DNAH8: variants seen among roughly 807,000 people sequenced by gnomAD.
The protein encoded by DNAH8 is axonemal beta dynein heavy chain 8.
DNAH8 carries 382 observed loss-of-function variants against 562.1 expected under a neutral mutation model. That is an observed-to-expected ratio of 0.68 (90% confidence interval 0.63 to 0.74). DNAH8 has a LOEUF of 0.74. DNAH8 is among the 30% of genes least tolerant of loss of function. The pLI is 0.00. For missense variants in DNAH8, 5,203 were observed against 5,620.4 expected (o/e 0.93, Z 2.37); for synonymous variants, 1,881 against 1,919.4 (o/e 0.98, Z 0.52).
intron 85 of DNAH8, among the ~76,000 whole-genome samples, chr6:38,979,265 A>G (rs1763883426): frequency 1.3e-5 from 2 of 152,212 alleles, no homozygotes; most frequent in South Asian, 4.1e-4. Context: ...TCACTATCCC[A>G]TTATTCTTTT....
chr6:39,004,174 T>G (rs1765657725), intron 88 of DNAH8, among the ~76,000 whole-genome samples: 1 of 152,154 alleles, frequency 6.6e-6, no homozygotes, highest in African/African-American at 2.4e-5. Flanking sequence ...CCAAGAGTGT[T>G]AAGTCCAGCC....
chr6:38,801,195 C>G (rs139316401), intron 21 of DNAH8, among the ~76,000 whole-genome samples: 2 of 151,978 alleles, frequency 1.3e-5, no homozygotes, highest in African/African-American at 4.8e-5. Context: ...TGAAATTTTA[C>G]GTCTATAATC....
intron 12 of DNAH8, among the ~76,000 whole-genome samples, chr6:38,772,417 T>C (rs1027654202): frequency 7.2e-5 from 11 of 152,180 alleles, no homozygotes; most frequent in Non-Finnish European, 1.3e-4. Context: ...AAGTGGTATC[T>C]CATTGAAGTT....
chr6:38,813,768 A>G (rs192228778), intron 24 of DNAH8, among the ~76,000 whole-genome samples: 12 of 152,310 alleles, frequency 7.9e-5, no homozygotes, highest in Middle Eastern at 3.4e-3. Context: ...AGGGCTGGGA[A>G]CAAAGAATGC....
intron 8 of DNAH8, among the ~76,000 whole-genome samples, chr6:38,743,370 T>C (rs1050528826): frequency 2.0e-5 from 3 of 152,182 alleles, no homozygotes; most frequent in African/African-American, 7.2e-5. Flanking sequence ...ATTTTCCCCT[T>C]TCTTTTTTTG....
At chr6:38,947,166 C>A (rs1487313719) in intron 80 of DNAH8, among the ~76,000 whole-genome samples, 1 of 152,208 alleles carries the variant, frequency 6.6e-6, no homozygotes, top group Non-Finnish European at 1.5e-5. Context: ...ATGCTCTTCC[C>A]ATGCCATCAT....
rs373886534 is a variant in DNAH8, at chr6:38,807,614, G to T, written c.3155G>T (p.Cys1052Phe). The T allele has an allele frequency of 6.6e-7, 1 of 1,521,522 alleles. No homozygotes were observed. The highest frequency in any genetic ancestry group is 8.8e-7 in the Non-Finnish European group (1 of 1,134,490). 94.3% of individuals were successfully genotyped at this position (1,521,522 alleles called of 1,614,324 possible). A position where few individuals can be genotyped will look rare whatever the true frequency, so the allele number is the denominator to read the frequency against. The stretch of plus-strand genomic sequence containing the variant: ...TAATCTGATTTCTTATTACAGGAGT[G>T]TAAAGAGGTCTTTGCTTTTTTCTCT... Reference protein sequence around the residue: ...HDKEDEFKKECKEVFAFFSHQ... With the variant: ...HDKEDEFKKEFKEVFAFFSHQ... The change falls in exon 24 of 93, where the codon TGT becomes TTT. Residue 1052 changes from cysteine to phenylalanine, a missense_variant. Transcript: ENST00000327475.
chr6:38,911,592 AGGAATGGAAT>A lies in DNAH8; in HGVS notation c.9859+14_9859+23del. ...GGCTGAACGTATGAATATTGGTAAG[AGGAATGGAAT>A]GGAATGGGATGGAATAGAAATAGGG... is the stretch of plus-strand genomic sequence containing the variant. On this transcript the variant is annotated splice_region_variant and intron_variant, in intron 66 of 92. Transcript: ENST00000327475. 2 of 1,554,802 alleles carry A rather than the reference AGGAATGGAAT, an allele frequency of 1.3e-6. No homozygotes were observed. The highest frequency in any genetic ancestry group is 1.8e-6 in the Non-Finnish European group (2 of 1,126,408).
chr6:38,783,915 G>A (rs961790066), intron 17 of DNAH8, among the ~76,000 whole-genome samples: 5 of 152,202 alleles, frequency 3.3e-5, no homozygotes, highest in African/African-American at 1.2e-4. Flanking sequence ...GCAGAGCACA[G>A]CATTGCAGGC....
At chr6:38,873,512 T>C in intron 52 of DNAH8, 136 bp downstream of exon 52, 1 of 739,438 alleles carries the variant, frequency 1.4e-6, no homozygotes, top group Non-Finnish European at 2.1e-6. Flanking sequence ...AAAGCTCTGA[T>C]AATTTTGATT....
At chr6:38,816,376 G>C (rs1259324944) in intron 26 of DNAH8, among the ~76,000 whole-genome samples, 1 of 152,106 alleles carries the variant, frequency 6.6e-6, no homozygotes, top group Admixed American at 6.5e-5. Context: ...CAAGGATAAT[G>C]GCTTCCGGCT....
At chr6:39,016,287 C>T (rs1172838498) in intron 91 of DNAH8, among the ~76,000 whole-genome samples, 1 of 151,844 alleles carries the variant, frequency 6.6e-6, no homozygotes, top group Non-Finnish European at 1.5e-5. Flanking sequence ...CGTGGTGGCT[C>T]ACGCGTGTAA....
In DNAH8 at chr6:38,789,800, C is replaced by A; in HGVS notation, c.2584-3C>A. 6.2e-7 allele frequency: 1 copy of A among 1,600,338 alleles called. No individual in the cohort carries two copies. The highest frequency in any genetic ancestry group is 8.5e-7 in the Non-Finnish European group (1 of 1,172,714). The stretch of plus-strand genomic sequence containing the variant: ...TAAAACATGCCATTTCAACTTCCTA[C>A]AGGGTCTTCTGCAATATTATGATGA... On this transcript the variant is annotated splice_region_variant and splice_polypyrimidine_tract_variant and intron_variant, in intron 18 of 92. Transcript: ENST00000327475.
chr6:38,795,026 T>C (rs1335855939), intron 21 of DNAH8, among the ~76,000 whole-genome samples: 2 of 152,252 alleles, frequency 1.3e-5, no homozygotes, highest in Non-Finnish European at 1.5e-5. Context: ...TTACATTTGA[T>C]TGAAATATCT....
chr6:38,779,497 T>C (rs1204786342), intron 14 of DNAH8, among the ~76,000 whole-genome samples: 1 of 152,210 alleles, frequency 6.6e-6, no homozygotes, highest in Admixed American at 6.5e-5. Context: ...AGTCTCTGAA[T>C]GGAAGTGACA....
At chr6:38,928,805 G>A (rs555172217) in intron 74 of DNAH8, among the ~76,000 whole-genome samples, 1 of 152,108 alleles carries the variant, frequency 6.6e-6, no homozygotes, top group Non-Finnish European at 1.5e-5. Context: ...GGCAGGGGGA[G>A]GGATCCTAGG....
intron 37 of DNAH8, among the ~76,000 whole-genome samples, chr6:38,849,752 G>A (rs543906174): frequency 6.6e-6 from 1 of 152,200 alleles, no homozygotes; most frequent in South Asian, 2.1e-4. Flanking sequence ...ATCATTCATA[G>A]TAAATAGAAA....
At chr6:38,787,387 G>T (rs980358300) in intron 18 of DNAH8, among the ~76,000 whole-genome samples, 1 of 152,014 alleles carries the variant, frequency 6.6e-6, no homozygotes, top group Non-Finnish European at 1.5e-5. Flanking sequence ...CACTAGTGCG[G>T]CAAAGTAAAA....
chr6:38,889,010 C>T (rs75410629), intron 57 of DNAH8, among the ~76,000 whole-genome samples: 1,920 of 152,318 alleles, frequency 0.013, 30 homozygotes, highest in South Asian at 0.04. Context: ...GTTTTGCCTT[C>T]CATATCTGGG....
Sources: gnomAD v4.1 joint callset for allele counts (sites outside exome capture counted in the v4.1 genomes callset) on GRCh38, gnomAD v4.1.1 for gene constraint, MANE v1.5 for transcripts, NCBI Gene and HGNC (gene_info 2026-07-23, HGNC 2026-07-21) for gene names.